Variants in ZSCAN30 observed in about 807,000 individuals in gnomAD.
ZSCAN30 encodes zinc finger and SCAN domain-containing protein 30.
Under a neutral mutation model 44.3 loss-of-function variants are expected in ZSCAN30, and 37 were observed. The ratio of observed to expected loss-of-function variants is 0.84; its 90% CI spans 0.64 to 1.10. The LOEUF (loss-of-function observed/expected upper bound fraction) is 1.10, where lower values mean the gene tolerates loss of function less well. Ranked by LOEUF, ZSCAN30 falls within the 50% of genes least tolerant of loss-of-function variation. The pLI is 0.00. For synonymous variants in ZSCAN30, 181 were observed against 204.6 expected (o/e 0.88, Z 0.98); for missense variants, 549 against 582.6 (o/e 0.94, Z 0.59).
At chr18:35,259,156 T>C (rs1258421681) in intron 3 of ZSCAN30, 3 of 152,100 alleles carry the variant, frequency 2.0e-5, no homozygotes, top group Non-Finnish European at 4.4e-5. Flanking sequence ...GCAGGTTTGG[T>C]TTCTTCTCTC....
intron 1 of ZSCAN30, chr18:35,289,654 G>A (rs905246455): frequency 6.6e-6 from 1 of 152,186 alleles, no homozygotes; most frequent in Non-Finnish European, 1.5e-5. Flanking sequence ...CCTGATCAGT[G>A]AGAATTGTTC....
intron 1 of ZSCAN30, among the ~76,000 whole-genome samples, chr18:35,276,129 T>C (rs1049577972): frequency 2.6e-5 from 4 of 152,196 alleles, no homozygotes; most frequent in African/African-American, 9.6e-5. Flanking sequence ...ATTTGACTGA[T>C]TTGGATATCA....
chr18:35,280,202 G>A (rs898629701), intron 1 of ZSCAN30, among the ~76,000 whole-genome samples: 2 of 151,498 alleles, frequency 1.3e-5, no homozygotes, highest in African/African-American at 2.4e-5. Context: ...CTTAAGCCCA[G>A]GAGGTTGAGG....
At chr18:35,279,610 A>T (rs2044420422) in intron 1 of ZSCAN30, among the ~76,000 whole-genome samples, 1 of 152,248 alleles carries the variant, frequency 6.6e-6, no homozygotes, top group Non-Finnish European at 1.5e-5. Context: ...TACAAGATCA[A>T]GGCACTGAAA....
In ZSCAN30 at chr18:35,254,342, T is replaced by G; in HGVS notation, c.593A>C (p.Gln198Pro). The change falls in exon 4 of 4, where the codon CAA (glutamine) becomes CCA (proline). Residue 198 changes from glutamine (Q) to proline (P), a missense_variant. Gln to Pro is a moderately conservative substitution (Grantham distance 76). Coordinates refer to ENST00000333206, the MANE Select transcript of ZSCAN30 (RefSeq NM_001112734.4). The stretch of plus-strand genomic sequence containing the variant: ...TGAGGCTACACATTCAACAATTTCT[T>G]GCTTTGCCATCAACACTTTGCCAGC... ...MVAGKVLMAKQEIVECVASAA... is the reference protein window; with the variant it reads ...MVAGKVLMAKPEIVECVASAA... 1.2e-6 allele frequency: 2 copies of G among 1,613,850 alleles called. No individual in the cohort carries two copies. Among genetic ancestry groups the G allele is most frequent in the Non-Finnish European group, 1.7e-6 (2 of 1,179,710 alleles).
intron 3 of ZSCAN30, chr18:35,254,677 G>A (rs1230865764): frequency 2.1e-6 from 1 of 467,710 alleles, no homozygotes; most frequent in Non-Finnish European, 3.8e-6. Flanking sequence ...AAACCAGGAA[G>A]CTAGGAGACA....
At chr18:35,272,998 C>T (rs372415782) in intron 1 of ZSCAN30, among the ~76,000 whole-genome samples, 1 of 152,222 alleles carries the variant, frequency 6.6e-6, no homozygotes, top group East Asian at 1.9e-4. Flanking sequence ...TAATTATCTC[C>T]CATTCCCTCC....
intron 1 of ZSCAN30, among the ~76,000 whole-genome samples, chr18:35,272,181 C>G (rs2044294381): frequency 6.6e-6 from 1 of 152,172 alleles, no homozygotes; most frequent in African/African-American, 2.4e-5. Flanking sequence ...TCACCTCTCA[C>G]TACCACCTGG....
intron 1 of ZSCAN30, among the ~76,000 whole-genome samples, chr18:35,271,102 A>C (rs1236532727): frequency 6.6e-6 from 1 of 152,204 alleles, no homozygotes; most frequent in Non-Finnish European, 1.5e-5. Context: ...AGACCCAAAG[A>C]GTGAACAGCA....
chr18:35,270,891 T>A (rs1291466225), intron 1 of ZSCAN30, among the ~76,000 whole-genome samples: 1 of 152,186 alleles, frequency 6.6e-6, no homozygotes, highest in Non-Finnish European at 1.5e-5. Context: ...TTCTGATGGG[T>A]TCGTGGTCTT....
At chr18:35,265,012 G>A (rs2044116032) in intron 1 of ZSCAN30, among the ~76,000 whole-genome samples, 1 of 152,114 alleles carries the variant, frequency 6.6e-6, no homozygotes, top group African/African-American at 2.4e-5. Context: ...CGGGCGTGGT[G>A]GCGGGCGCCT....
Position 35,254,056 on chromosome 18 carries a change from G to C in ZSCAN30, c.879C>G (p.Ser293Arg). ...CATAGAGCTTTTCCCTAGTGTCAAC[G>C]CTCTGTTGTGTAATATCATTTGAAT... ...SMNSNDITQQ[S>R]VDTREKLYEC... The change falls in exon 4 of 4, where the codon AGC (serine) becomes AGG (arginine). Residue 293 changes from serine to arginine, a missense_variant. Ser to Arg is a moderately radical substitution (Grantham distance 110). Transcript: ENST00000333206. 1.2e-6 allele frequency: 2 copies of C among 1,614,022 alleles called. No homozygotes were observed. The highest frequency in any genetic ancestry group is 1.7e-6 in the Non-Finnish European group (2 of 1,179,992).
chr18:35,283,821 A>C (rs779452806), intron 1 of ZSCAN30: 53 of 152,484 alleles, frequency 3.5e-4, no homozygotes, highest in Middle Eastern at 3.4e-3. Flanking sequence ...GTGGTGAGCA[A>C]GGGGCATGTT....
rs554000957 is a variant in ZSCAN30, at chr18:35,252,289, G to A, written c.*1161C>T. On this transcript the variant is annotated 3_prime_UTR_variant, in exon 4 of 4. Transcript: ENST00000333206. Reference sequence around the variant, plus strand: ...GCATGTATATACACAGGGAAAGAATGCATATCAGAGGCTAGAGAGACAGTG... The same window carrying A: ...GCATGTATATACACAGGGAAAGAATACATATCAGAGGCTAGAGAGACAGTG... The A allele has an allele frequency of 6.6e-6, 1 of 152,354 alleles. No homozygotes were observed. Among genetic ancestry groups the A allele is most frequent in the East Asian group, 1.9e-4 (1 of 5,176 alleles). The allele number at this position is 152,354 out of a possible 1,614,324, so 9.4% of individuals were successfully genotyped here.
chr18:35,270,408 T>C (rs2044246660), intron 1 of ZSCAN30, among the ~76,000 whole-genome samples: 1 of 152,212 alleles, frequency 6.6e-6, no homozygotes, highest in African/African-American at 2.4e-5. Context: ...CCTCTGTATC[T>C]CTTATCTGCT....
At chr18:35,289,494 C>T (rs1182267444) in intron 1 of ZSCAN30, 1 of 152,130 alleles carries the variant, frequency 6.6e-6, no homozygotes, top group Non-Finnish European at 1.5e-5. Context: ...CTTCCTTTCC[C>T]CACCGGACAG....
chr18:35,258,768 G>A (rs1598617108), intron 3 of ZSCAN30: 2 of 149,884 alleles, frequency 1.3e-5, no homozygotes, highest in Admixed American at 1.4e-4. Flanking sequence ...TACTCGGGAG[G>A]CTGAGGCAGG....
chr18:35,287,624 A>T (rs903070119), intron 1 of ZSCAN30, among the ~76,000 whole-genome samples: 1 of 150,540 alleles, frequency 6.6e-6, no homozygotes, highest in Non-Finnish European at 1.5e-5. Context: ...TCAGAGTTGT[A>T]TGGGTAGAAA....
At chr18:35,274,749 TA>T (rs1434751078) in intron 1 of ZSCAN30, among the ~76,000 whole-genome samples, 1 of 152,232 alleles carries the variant, frequency 6.6e-6, no homozygotes, top group Non-Finnish European at 1.5e-5. Context: ...TATTCTGTAC[TA>T]CCTTGACAGT....
Sources: allele counts gnomAD v4.1 joint callset (sites outside exome capture counted in the v4.1 genomes callset), GRCh38; gene constraint gnomAD v4.1.1; transcripts MANE v1.5; gene names NCBI Gene and HGNC (gene_info 2026-07-23, HGNC 2026-07-21).